Variants in EEFSEC observed in about 807,000 individuals in gnomAD.
EEFSEC encodes the protein selenocysteine-specific elongation factor.
In EEFSEC, 43 loss-of-function variants were observed where a neutral mutation model predicts 42.1. The observed-to-expected ratio is 1.02, with a 90% CI of 0.80 to 1.32. The LOEUF is 1.32. EEFSEC is among the 40% of genes most tolerant of loss of function. EEFSEC has a pLI of 0.00. For synonymous variants in EEFSEC, 354 were observed against 339.1 expected (o/e 1.04, Z -0.48); for missense variants, 745 against 803.6 (o/e 0.93, Z 0.88).
intron 6 of EEFSEC, among the ~76,000 whole-genome samples, chr3:128,398,896 G>T (rs1319733021): frequency 6.6e-6 from 1 of 152,136 alleles, no homozygotes; most frequent in Non-Finnish European, 1.5e-5. Context: ...GCTGATGAGG[G>T]ATGGGGGCTA....
Position 128,341,235 on chromosome 3 carries a change from G to A in EEFSEC, c.789G>A (p.Val263=), listed in dbSNP as rs530226467. Residue 263 remains valine, a splice_region_variant and synonymous_variant, in exon 5 of 7, where the codon GTG becomes GTA. Coordinates refer to ENST00000254730, the MANE Select transcript of EEFSEC (RefSeq NM_021937.5). The stretch of plus-strand genomic sequence containing the variant: ...CTCTCTTGCTTACTCCCCATCAGGT[G>A]GTGAAGAAGGTGAAGTCCATGCAGA... ...GDSVEIPALK[V]VKKVKSMQMF... is the part of the protein sequence containing the mutation. The A allele has an allele frequency of 5.6e-5, 90 of 1,602,246 alleles. No individual in the cohort carries two copies. The South Asian group carries it at 8.3e-4, about 15-fold the overall frequency.
intron 4 of EEFSEC, among the ~76,000 whole-genome samples, chr3:128,276,037 G>C (rs1378644554): frequency 6.6e-6 from 1 of 152,180 alleles, no homozygotes; most frequent in Admixed American, 6.5e-5. Context: ...TGCCCTGCCA[G>C]CCTGTAAGTC....
intron 4 of EEFSEC, among the ~76,000 whole-genome samples, chr3:128,294,728 G>A (rs572545458): frequency 6.4e-4 from 98 of 152,300 alleles, no homozygotes; most frequent in Middle Eastern, 3.4e-3. Context: ...TTTACTAAGT[G>A]GAAAAGGTAA....
chr3:128,227,340 C>A (rs1321511688), intron 1 of EEFSEC, among the ~76,000 whole-genome samples: 1 of 151,792 alleles, frequency 6.6e-6, no homozygotes, highest in Admixed American at 6.6e-5. Context: ...TTTTTGGTCT[C>A]CTGCTCTCCC....
chr3:128,197,618 G>T (rs954207331), intron 1 of EEFSEC, among the ~76,000 whole-genome samples: 14 of 151,562 alleles, frequency 9.2e-5, no homozygotes, highest in African/African-American at 3.2e-4. Flanking sequence ...TTCTCAGAAG[G>T]CTGTACCAAT....
chr3:128,385,039 C>T, intron 6 of EEFSEC, among the ~76,000 whole-genome samples: 1 of 152,202 alleles, frequency 6.6e-6, no homozygotes, highest in Admixed American at 6.5e-5. Context: ...TTACCAAACC[C>T]CATAGATGTC....
chr3:128,259,108 T>C (rs2066271579), intron 2 of EEFSEC, among the ~76,000 whole-genome samples: 1 of 152,174 alleles, frequency 6.6e-6, no homozygotes, highest in Non-Finnish European at 1.5e-5. Flanking sequence ...AAGATGGGGA[T>C]TGGAAAGCTT....
chr3:128,409,123 G>C (rs114932183), downstream of EEFSEC, among the ~76,000 whole-genome samples: 395 of 152,340 alleles, frequency 2.6e-3, 1 homozygote, highest in African/African-American at 9.4e-3. Flanking sequence ...CAGGCTGTGG[G>C]ATACTCAGGA....
intron 6 of EEFSEC, among the ~76,000 whole-genome samples, chr3:128,382,380 C>T (rs1347694596): frequency 1.3e-5 from 2 of 152,222 alleles, no homozygotes; most frequent in Non-Finnish European, 2.9e-5. Context: ...GTGCGCCCAG[C>T]GGACACGGCA....
chr3:128,401,263 TGCTGGG>T (rs1479120057), intron 6 of EEFSEC, among the ~76,000 whole-genome samples: 1 of 152,204 alleles, frequency 6.6e-6, no homozygotes, highest in Non-Finnish European at 1.5e-5. Context: ...GGTCCTGCCC[TGCTGGG>T]GCATTTTTCT....
At chr3:128,373,750 G>A (rs1429474250) in intron 6 of EEFSEC, among the ~76,000 whole-genome samples, 1 of 152,198 alleles carries the variant, frequency 6.6e-6, no homozygotes, top group East Asian at 1.9e-4. Context: ...TGTCCTTGGG[G>A]TGGGTCAGCT....
At chr3:128,281,415 G>A (rs1392421094) in intron 4 of EEFSEC, among the ~76,000 whole-genome samples, 1 of 152,200 alleles carries the variant, frequency 6.6e-6, no homozygotes, top group African/African-American at 2.4e-5. Context: ...ATGTGGTGTG[G>A]CAGCCTCCAG....
chr3:128,402,450 T>C (rs1400704812), intron 6 of EEFSEC, among the ~76,000 whole-genome samples: 1 of 152,208 alleles, frequency 6.6e-6, no homozygotes, highest in Non-Finnish European at 1.5e-5. Context: ...AGAGGCCCTT[T>C]GTAGTTCTCA....
chr3:128,386,854 T>C (rs2067845097), intron 6 of EEFSEC, among the ~76,000 whole-genome samples: 1 of 152,138 alleles, frequency 6.6e-6, no homozygotes, highest in South Asian at 2.1e-4. Context: ...ACCAAGCCAC[T>C]CATGAGGGAT....
At chr3:128,349,209 G>A (rs990187362) in intron 5 of EEFSEC, among the ~76,000 whole-genome samples, 10 of 152,118 alleles carry the variant, frequency 6.6e-5, no homozygotes, top group Admixed American at 4.6e-4. Context: ...GCCAGCCATC[G>A]AAGCTAGGCC....
chr3:128,380,108 C>G (rs141864769), intron 6 of EEFSEC, among the ~76,000 whole-genome samples: 1 of 152,324 alleles, frequency 6.6e-6, no homozygotes, highest in African/African-American at 2.4e-5. Context: ...TGGCTGGACT[C>G]TAGGTGCTTT....
chr3:128,183,089 C>CTTAAGGCTTACCATGAGTA (rs1282119518), intron 1 of EEFSEC, among the ~76,000 whole-genome samples: 1 of 152,162 alleles, frequency 6.6e-6, no homozygotes. Context: ...CCTTTCTGAA[C>CTTAAGGCTTACCATGAGTA]TTAAGGCTTA....
chr3:128,207,354 C>A (rs2065708285), intron 1 of EEFSEC, among the ~76,000 whole-genome samples: 2 of 150,562 alleles, frequency 1.3e-5, no homozygotes, highest in Non-Finnish European at 2.9e-5. Flanking sequence ...AGTGTGTTGC[C>A]CATCTTGTGG....
Position 128,216,278 on chromosome 3 carries a change from A to T in EEFSEC, c.317-30558A>T, listed in dbSNP as rs112516701. On this transcript the variant is annotated intron_variant, in intron 1 of 6. Transcript: ENST00000254730. ...CGGGCCAGTTGTGGGATGGAGGAACATCAAAGCTTGGCCAGTCACCAAGCT... is the reference window on the plus strand; with the variant it reads ...CGGGCCAGTTGTGGGATGGAGGAACTTCAAAGCTTGGCCAGTCACCAAGCT... 2.0e-3 allele frequency among the ~76,000 whole-genome samples: 301 copies of T among 152,350 alleles called. 1 individual carries two copies. Among genetic ancestry groups the T allele is most frequent in the African/African-American group, 6.9e-3 (287 of 41,568 alleles).
Sources: gnomAD v4.1 joint callset for allele counts (sites outside exome capture counted in the v4.1 genomes callset) on GRCh38, gnomAD v4.1.1 for gene constraint, MANE v1.5 for transcripts, NCBI Gene and HGNC (gene_info 2026-07-23, HGNC 2026-07-21) for gene names.